Variants in RRP1 observed in about 807,000 individuals in gnomAD.
RRP1 encodes the protein ribosomal RNA processing protein 1 homolog A.
RRP1 carries 37 observed loss-of-function variants against 54.6 expected under a neutral mutation model. That is an observed-to-expected ratio of 0.68 (90% CI 0.52 to 0.89). RRP1 has a LOEUF of 0.89. Ranked by LOEUF, RRP1 falls within the 40% of genes least tolerant of loss-of-function variation. The probability of loss-of-function intolerance (pLI) is 0.00; values close to 1 mark genes in which losing one functional copy is unlikely to be tolerated. For synonymous variants in RRP1, 262 were observed against 244.3 expected (o/e 1.07, Z -0.67); for missense variants, 639 against 612.5 (o/e 1.04, Z -0.46).
At chr21:43,794,603 G>T (rs1042892800) in intron 4 of RRP1, among the ~76,000 whole-genome samples, 3 of 152,214 alleles carry the variant, frequency 2.0e-5, no homozygotes. Flanking sequence ...GGGCGTGTGG[G>T]CATGCTGGGT....
rs2085130779 is a variant in RRP1 at position 43,805,122 on chromosome 21, C to CA, written c.*1352dup. The CA allele has an allele frequency of 6.6e-6, 1 of 152,150 alleles. No homozygotes were observed. The highest frequency in any genetic ancestry group is 1.5e-5 in the Non-Finnish European group (1 of 68,074). The allele number at this position is 152,150 out of a possible 1,614,324, so 9.4% of individuals were successfully genotyped here. A position where few individuals can be genotyped will look rare whatever the true frequency, so the allele number is the denominator to read the frequency against. ...GAGAAACCCCATCTCTACTAAAATA[C>CA]AAAATTAGCCAGGCGTGGTGGCACA... On this transcript the variant is annotated 3_prime_UTR_variant, in exon 13 of 13. Coordinates refer to ENST00000497547, the MANE Select transcript of RRP1 (RefSeq NM_003683.6).
chr21:43,797,581 G>A, intron 6 of RRP1, 30 bp downstream of exon 6: 1 of 1,614,012 alleles, frequency 6.2e-7, no homozygotes, highest in African/African-American at 1.3e-5. Flanking sequence ...GGGCGGTGGA[G>A]CTGGGCGTTT....
chr21:43,797,422 A>G lies in RRP1; in HGVS notation c.423A>G (p.Arg141=), dbSNP rs1313755737. ...TCATGTTTGCTTTTTCTTTCCTCAG[A>G]CAGATCGAGGAGCTGCTAGAGCTGC... ...KVLKMQGWEE[R]QIEELLELLM... The change falls in exon 6 of 13, where the codon AGA becomes AGG. Residue 141 remains arginine (R), a splice_region_variant and synonymous_variant. Coordinates refer to ENST00000497547, the MANE Select transcript of RRP1 (RefSeq NM_003683.6). The G allele has an allele frequency of 2.5e-6, 4 of 1,609,910 alleles. No homozygotes were observed. In the East Asian group the frequency reaches 6.7e-5, roughly 27 times the overall value.
chr21:43,789,599 T>C lies in RRP1; in HGVS notation c.-31T>C, dbSNP rs746074113. ...CTCAGTGTGCTGGGTACCAGGCGAC[T>C]CCGGGACAGGGGGTCTCGGCCGTCG... On this transcript the variant is annotated 5_prime_UTR_variant, in exon 1 of 13. Transcript: ENST00000497547. 6 of 1,578,888 alleles carry C rather than the reference T, an allele frequency of 3.8e-6. No individual in the cohort carries two copies. In the South Asian group the frequency reaches 6.9e-5, roughly 18 times the overall value.
intron 9 of RRP1, 37 bp downstream of exon 9, chr21:43,799,686 T>C: frequency 6.3e-7 from 1 of 1,575,746 alleles, no homozygotes; most frequent in Non-Finnish European, 8.7e-7. Flanking sequence ...CCCTCAGCCT[T>C]TGCCCCTCTG....
intron 5 of RRP1, among the ~76,000 whole-genome samples, chr21:43,796,025 G>A (rs1267231154): frequency 6.6e-6 from 1 of 152,124 alleles, no homozygotes; most frequent in African/African-American, 2.4e-5. Context: ...TAGCAGGCTG[G>A]TTATGGTGGG....
At chr21:43,799,769 C>T in intron 9 of RRP1, 120 bp downstream of exon 9, 1 of 950,490 alleles carries the variant, frequency 1.1e-6, no homozygotes, top group Non-Finnish European at 1.6e-6. Context: ...GGAGAGTTAC[C>T]CGGACAGGGG....
chr21:43,798,775 G>A (rs768255485), intron 8 of RRP1, among the ~76,000 whole-genome samples: 4 of 152,098 alleles, frequency 2.6e-5, no homozygotes, highest in Non-Finnish European at 5.9e-5. Flanking sequence ...GAGCCTGCTG[G>A]GTGGTCTGAG....
Position 43,804,060 on chromosome 21 carries a change from T to TG in RRP1, c.*292dup, listed in dbSNP as rs2123425111. On this transcript the variant is annotated 3_prime_UTR_variant, in exon 13 of 13. Transcript: ENST00000497547. The surrounding 1 kb of genome is among the most constrained non-coding windows in gnomAD (Gnocchi z 4.3). ...GCAGCAGGACTGGCCGCCCCTGCTG[T>TG]GGGGGGTTCAGAAAATAAAATGCCG... 7.6e-6 allele frequency: 3 copies of TG among 395,186 alleles called. No homozygotes were observed. Among genetic ancestry groups the TG allele is most frequent in the Admixed American group, 4.5e-5 (1 of 21,982 alleles). The allele number at this position is 395,186 out of a possible 1,614,324, so 24.5% of individuals were successfully genotyped here.
intron 3 of RRP1, 154 bp from the exon 4 acceptor site, chr21:43,793,164 TG>T: frequency 1.5e-6 from 1 of 679,800 alleles, no homozygotes; most frequent in African/African-American, 1.8e-5. Flanking sequence ...GTCCAGATCC[TG>T]GTCCAGCAAG....
intron 11 of RRP1, 49 bp from the exon 12 acceptor site, chr21:43,802,225 A>G (rs1245162405): frequency 1.5e-5 from 21 of 1,415,180 alleles, no homozygotes; most frequent in South Asian, 5.8e-5. Flanking sequence ...GCCTCAAACC[A>G]TAAGTCCCCA....
chr21:43,789,707 C>G lies in RRP1; in HGVS notation c.78C>G (p.Asp26Glu). ...RLAGNEQVTR[D>E]RAVRKLRKYI... ...CGGGGAATGAGCAGGTGACCCGGGA[C>G]CGGGCGGTGAGGAAGCTCCGGAAAT... Residue 26 changes from aspartate (D) to glutamate (E), a missense_variant, in exon 1 of 13, where the codon GAC (aspartate) becomes GAG (glutamate). Asp to Glu is a conservative substitution (Grantham distance 45, BLOSUM62 2). Coordinates refer to ENST00000497547, the MANE Select transcript of RRP1 (RefSeq NM_003683.6). 1 of 1,553,516 alleles carries G rather than the reference C, an allele frequency of 6.4e-7. No individual in the cohort carries two copies. The highest frequency in any genetic ancestry group is 8.7e-7 in the Non-Finnish European group (1 of 1,149,868).
chr21:43,795,322 C>A lies in RRP1; in HGVS notation c.422+72C>A. On this transcript the variant is annotated intron_variant, in intron 5 of 12. Coordinates refer to ENST00000497547, the MANE Select transcript of RRP1 (RefSeq NM_003683.6). ...CCGCAGTCGTGTTTGTCATTTGATTCTTTGCCATAAGGAGATGTCAGCCTT... is the reference window on the plus strand; with the variant it reads ...CCGCAGTCGTGTTTGTCATTTGATTATTTGCCATAAGGAGATGTCAGCCTT... The A allele has an allele frequency of 2.1e-6, 3 of 1,449,122 alleles. No individual in the cohort carries two copies. The South Asian group carries it at 3.4e-5, about 17-fold the overall frequency. 89.8% of individuals were successfully genotyped at this position (1,449,122 alleles called of 1,614,324 possible).
intron 5 of RRP1, 62 bp from the exon 6 acceptor site, chr21:43,797,360 G>A: frequency 2.6e-6 from 4 of 1,546,646 alleles, no homozygotes; most frequent in Non-Finnish European, 8.7e-7. Context: ...GGGAGAGTGG[G>A]GGGCACGGCT....
At chr21:43,802,907 G>A (rs144247315) in intron 12 of RRP1, among the ~76,000 whole-genome samples, 22 of 152,394 alleles carry the variant, frequency 1.4e-4, no homozygotes, top group African/African-American at 4.8e-4. Context: ...AGGGCCTGGA[G>A]CTGCCTACCT....
intron 12 of RRP1, 118 bp from the exon 13 acceptor site, chr21:43,803,394 G>C (rs1375509411): frequency 1.5e-6 from 2 of 1,363,248 alleles, no homozygotes; most frequent in African/African-American, 2.9e-5. Context: ...CTGGCTGGCT[G>C]TTGTGGCCGT....
At chr21:43,791,157 C>T in intron 1 of RRP1, 193 bp from the exon 2 acceptor site, 1 of 652,970 alleles carries the variant, frequency 1.5e-6, no homozygotes, top group South Asian at 1.5e-5. Context: ...CCTGGAGTAG[C>T]CGCATAGCCA....
At chr21:43,796,923 C>T (rs1410652201) in intron 5 of RRP1, among the ~76,000 whole-genome samples, 3 of 152,316 alleles carry the variant, frequency 2.0e-5, no homozygotes, top group South Asian at 2.1e-4. Context: ...TGGAATGCGT[C>T]GTGCGGCAGG....
At position 43,800,971 on chromosome 21, in the gene RRP1, C is replaced by T. The variant is rs547821265; in HGVS notation, c.1009+90C>T. ...TGGTTTGGTTCTAGGGGTCTCATAG[C>T]ACGTGGAGTCTCTTTGCAGAGAGGC... On this transcript the variant is annotated intron_variant, in intron 11 of 12. Coordinates refer to ENST00000497547, the MANE Select transcript of RRP1 (RefSeq NM_003683.6). The T allele has an allele frequency of 1.9e-4, 253 of 1,363,032 alleles. 5 individuals are homozygous for T. The South Asian group carries it at 2.8e-3, about 15-fold the overall frequency. 84.4% of individuals were successfully genotyped at this position (1,363,032 alleles called of 1,614,324 possible). A position where few individuals can be genotyped will look rare whatever the true frequency, so the allele number is the denominator to read the frequency against.
Sources: allele counts gnomAD v4.1 joint callset (sites outside exome capture counted in the v4.1 genomes callset), GRCh38; gene constraint gnomAD v4.1.1; non-coding constraint Gnocchi (gnomAD v3.1); transcripts MANE v1.5; gene names NCBI Gene and HGNC (gene_info 2026-07-23, HGNC 2026-07-21).